Variants in TM4SF20 observed in about 807,000 individuals in gnomAD.
TM4SF20 encodes the protein transmembrane 4 L6 family member 20.
TM4SF20 carries 13 observed loss-of-function variants against 15.1 expected under a neutral mutation model. The observed-to-expected ratio is 0.86, with a 90% CI of 0.56 to 1.36. The LOEUF (loss-of-function observed/expected upper bound fraction) is 1.36, where lower values mean the gene tolerates loss of function less well. Ranked by LOEUF, TM4SF20 falls within the 40% of genes most tolerant of loss-of-function variation. The pLI is 0.00. For synonymous variants in TM4SF20, 92 were observed against 96.6 expected, an observed-to-expected ratio of 0.95 and a Z score of 0.28; for missense variants, 282 against 268.4, an observed-to-expected ratio of 1.05 and a Z score of -0.35.
chr2:227,368,335 T>TTATATATATA (rs61382561), intron 2 of TM4SF20, among the ~76,000 whole-genome samples: 1,392 of 122,662 alleles, frequency 0.011, 36 homozygotes, highest in African/African-American at 0.04. Context: ...CATCTATTAT[T>TTATATATATA]TATATATATA....
intron 3 of TM4SF20, 130 bp downstream of exon 3, chr2:227,365,963 A>G: frequency 1.1e-6 from 1 of 910,886 alleles, no homozygotes; most frequent in Non-Finnish European, 1.6e-6. Context: ...ATGTACTAAA[A>G]TTCCTAAGAA....
Position 227,363,810 on chromosome 2 carries a change from C to G in TM4SF20, c.604G>C (p.Glu202Gln). The part of the protein sequence containing the change: ...FLGLLLVGIL[E>Q]VLFGLSQIVI... ...ATCTGACTGAGCCCAAACAGGACCT[C>G]CAGAATTCCAACAAGCAATAGACCT... is the stretch of plus-strand genomic sequence containing the variant. Residue 202 changes from glutamate (E) to glutamine (Q), a missense_variant, in exon 4 of 4, where the codon GAG (glutamate) becomes CAG (glutamine). Physicochemically the swap from Glu to Gln is conservative, Grantham distance 29. Transcript: ENST00000304568. 6.2e-7 allele frequency: 1 copy of G among 1,614,128 alleles called. No individual in the cohort carries two copies. The highest frequency in any genetic ancestry group is 2.2e-5 in the East Asian group (1 of 44,880).
intron 2 of TM4SF20, among the ~76,000 whole-genome samples, chr2:227,368,726 T>G (rs1343780244): frequency 2.0e-5 from 3 of 152,248 alleles, no homozygotes; most frequent in East Asian, 3.8e-4. Context: ...ATTCCAGGCA[T>G]GTGTATTTCC....
chr2:227,369,351 T>C (rs1328778679), intron 2 of TM4SF20, among the ~76,000 whole-genome samples: 1 of 152,068 alleles, frequency 6.6e-6, no homozygotes, highest in Admixed American at 6.5e-5. Flanking sequence ...AAAATACTGA[T>C]GCAGAATCTC....
upstream of TM4SF20, among the ~76,000 whole-genome samples, chr2:227,380,962 G>A (rs2076477048): frequency 6.6e-6 from 1 of 152,132 alleles, no homozygotes; most frequent in South Asian, 2.1e-4. Context: ...GAAAGGATTT[G>A]TATAAAAGGA....
chr2:227,375,486 C>T (rs946046117), intron 1 of TM4SF20, among the ~76,000 whole-genome samples: 2 of 152,004 alleles, frequency 1.3e-5, no homozygotes, highest in African/African-American at 4.8e-5. Context: ...GTTTAACTTT[C>T]AACAATTTGT....
intron 1 of TM4SF20, among the ~76,000 whole-genome samples, chr2:227,372,178 T>A (rs769038148): frequency 2.2e-4 from 33 of 152,324 alleles, no homozygotes; most frequent in Non-Finnish European, 3.5e-4. Flanking sequence ...CTCTGGCGAA[T>A]GCCAGACTCT....
chr2:227,365,235 A>G (rs562932822), intron 3 of TM4SF20, among the ~76,000 whole-genome samples: 72 of 152,356 alleles, frequency 4.7e-4, no homozygotes, highest in African/African-American at 1.7e-3. Flanking sequence ...GTTCAAAACA[A>G]ATATGCTACA....
Position 227,362,627 on chromosome 2 carries a change from A to G in TM4SF20, c.*1097T>C, listed in dbSNP as rs1294874770. The G allele has an allele frequency of 6.6e-6, 1 of 152,212 alleles. No homozygotes were observed. The highest frequency in any genetic ancestry group is 1.9e-4 in the East Asian group (1 of 5,196). The allele number at this position is 152,212 out of a possible 1,614,324, so 9.4% of individuals were successfully genotyped here. A position where few individuals can be genotyped will look rare whatever the true frequency, so the allele number is the denominator to read the frequency against. ...TTTCATGCACAAAGTTATTTAAAAT[A>G]TTGTGTGAAATTACCTTCAGGCCAG... On this transcript the variant is annotated 3_prime_UTR_variant, in exon 4 of 4. Coordinates refer to ENST00000304568, the MANE Select transcript of TM4SF20 (RefSeq NM_024795.4).
intron 3 of TM4SF20, among the ~76,000 whole-genome samples, chr2:227,364,538 T>A (rs1223288855): frequency 6.6e-6 from 1 of 152,190 alleles, no homozygotes; most frequent in African/African-American, 2.4e-5. Context: ...TGAGAAACTT[T>A]TAGCCCTAAT....
chr2:227,376,972 C>T (rs554506350), intron 1 of TM4SF20, among the ~76,000 whole-genome samples: 203 of 152,324 alleles, frequency 1.3e-3, no homozygotes, highest in Non-Finnish European at 2.3e-3. Context: ...CTTTGGCAGA[C>T]GGCCAATAAA....
intron 2 of TM4SF20, among the ~76,000 whole-genome samples, chr2:227,366,841 A>G (rs369662117): frequency 3.4e-5 from 5 of 148,422 alleles, no homozygotes; most frequent in African/African-American, 1.2e-4. Flanking sequence ...ACTGAGATCT[A>G]GTTCCTCCCT....
rs755064052 is a variant in TM4SF20 at position 227,366,084 on chromosome 2, G to A, written c.401+9C>T. 139 of 1,610,344 alleles carry A rather than the reference G, an allele frequency of 8.6e-5. No individual in the cohort carries two copies. On this transcript the variant is annotated intron_variant, in intron 3 of 3. Coordinates refer to ENST00000304568, the MANE Select transcript of TM4SF20 (RefSeq NM_024795.4). ...GAGACAGTAAGCCTGTGAAAATCAA[G>A]TTACTTACCTGATGTTTTTCAATGA...
intron 1 of TM4SF20, among the ~76,000 whole-genome samples, chr2:227,375,591 A>C (rs2076444405): frequency 6.6e-6 from 1 of 152,008 alleles, no homozygotes; most frequent in South Asian, 2.1e-4. Flanking sequence ...CTGGGTTCAC[A>C]CCATTCCCTT....
At chr2:227,380,807 A>G (rs1041978714), upstream of TM4SF20, among the ~76,000 whole-genome samples, 1 of 152,202 alleles carries the variant, frequency 6.6e-6, no homozygotes, top group Non-Finnish European at 1.5e-5. Flanking sequence ...TAGTAGGCTT[A>G]GAGAGCAGCG....
intron 1 of TM4SF20, among the ~76,000 whole-genome samples, chr2:227,376,185 G>T (rs1392361140): frequency 6.6e-6 from 1 of 152,016 alleles, no homozygotes; most frequent in Non-Finnish European, 1.5e-5. Context: ...CCCATTTTTG[G>T]TAACAATACT....
chr2:227,368,777 TG>T (rs2076406399), intron 2 of TM4SF20, among the ~76,000 whole-genome samples: 2 of 152,382 alleles, frequency 1.3e-5, no homozygotes, highest in South Asian at 4.1e-4. Flanking sequence ...AAAACCATTT[TG>T]TATTCAGAAG....
At position 227,363,832 on chromosome 2, in the gene TM4SF20, AC is replaced by A; in HGVS notation, c.581del (p.Gly194ValfsTer17). On this transcript the variant is annotated frameshift_variant, in exon 4 of 4. Transcript: ENST00000304568. LOFTEE classifies it high-confidence loss of function. ...CCTCCAGAATTCCAACAAGCAATAG[AC>A]CTAAAAATACTGAGAAGTGGATAAG... ...HRLIHFSVFLGLLLVGILEVL... is the reference protein window; with the variant it reads ...HRLIHFSVFLXLLLVGILEVL... The A allele has an allele frequency of 1.2e-6, 2 of 1,614,136 alleles. No homozygotes were observed. Among genetic ancestry groups the A allele is most frequent in the Non-Finnish European group, 8.5e-7 (1 of 1,180,028 alleles).
chr2:227,376,165 C>T lies in TM4SF20; in HGVS notation c.183+2921G>A, dbSNP rs58953065. Among the ~76,000 whole-genome samples the T allele has an allele frequency of 5.7e-3, 861 of 152,278 alleles. 3 individuals are homozygous for T. The highest frequency in any genetic ancestry group is 0.02 in the African/African-American group (817 of 41,570). Reference sequence around the variant, plus strand: ...CCATAGTTTGTATAATTATCTACTTCCTGCAAAATCCCATTTTTGGTAACA... The same window carrying T: ...CCATAGTTTGTATAATTATCTACTTTCTGCAAAATCCCATTTTTGGTAACA... On this transcript the variant is annotated intron_variant, in intron 1 of 3. Transcript: ENST00000304568.
Sources: gnomAD v4.1 joint callset for allele counts (sites outside exome capture counted in the v4.1 genomes callset) on GRCh38, gnomAD v4.1.1 for gene constraint, MANE v1.5 for transcripts, NCBI Gene and HGNC (gene_info 2026-07-23, HGNC 2026-07-21) for gene names.